Variants in PAX5 observed in about 807,000 individuals in gnomAD.
PAX5 encodes paired box 5.
In PAX5, 9 loss-of-function variants were observed where a neutral mutation model predicts 43.7. The ratio of observed to expected loss-of-function variants is 0.21; its 90% CI spans 0.12 to 0.36. The LOEUF (loss-of-function observed/expected upper bound fraction) is 0.36. Ranked by LOEUF, PAX5 falls within the 10% of genes least tolerant of loss-of-function variation. The pLI, the probability that PAX5 is intolerant of heterozygous loss-of-function variation, is 1.00. For missense variants in PAX5, 383 were observed against 532.7 expected (o/e 0.72, Z 2.77); for synonymous variants, 228 against 214.3 (o/e 1.06, Z -0.56).
intron 3 of PAX5, among the ~76,000 whole-genome samples, chr9:37,008,256 G>A (rs1838630948): frequency 6.6e-6 from 1 of 152,190 alleles, no homozygotes; most frequent in Admixed American, 6.5e-5. Context: ...GTTTCACCAC[G>A]TTAGCCAGGC....
chr9:36,958,320 G>A (rs1888016), intron 6 of PAX5, among the ~76,000 whole-genome samples: 137,193 of 151,846 alleles, frequency 0.9, 62,148 homozygotes, highest in Non-Finnish European at 0.95. Flanking sequence ...GGCTTCCATT[G>A]AGGAACTGGA....
At chr9:36,923,218 G>A in intron 7 of PAX5, 137 bp downstream of exon 7, 3 of 1,053,590 alleles carry the variant, frequency 2.8e-6, no homozygotes, top group South Asian at 3.2e-5. Context: ...CACCTGACCT[G>A]TTCCCAGGCC....
At position 36,837,487 on chromosome 9, in the gene PAX5, G is replaced by A; in HGVS notation, c.*3073C>T. The A allele has an allele frequency of 4.3e-6, 1 of 233,294 alleles. No homozygotes were observed. 14.5% of individuals were successfully genotyped at this position (233,294 alleles called of 1,614,324 possible). On this transcript the variant is annotated 3_prime_UTR_variant, in exon 10 of 10. Coordinates refer to ENST00000358127, the MANE Select transcript of PAX5 (RefSeq NM_016734.3). ...GAAGGCCCATGGAGAAATGCCCCAGGCCTTCTGCCACGATGCTGGTGAGGC... is the reference window on the plus strand; with the variant it reads ...GAAGGCCCATGGAGAAATGCCCCAGACCTTCTGCCACGATGCTGGTGAGGC...
chr9:36,923,566 C>T (rs987898720), intron 6 of PAX5, 82 bp from the exon 7 acceptor site: 7 of 1,509,380 alleles, frequency 4.6e-6, no homozygotes, highest in Non-Finnish European at 5.4e-6. Context: ...CTGAGCTCAG[C>T]CACCAAGCTG....
chr9:36,966,312 C>T (rs574777325), intron 6 of PAX5, among the ~76,000 whole-genome samples: 4 of 152,240 alleles, frequency 2.6e-5, no homozygotes, highest in African/African-American at 9.6e-5. Flanking sequence ...TCACCCACCC[C>T]CTGGCTGGCC....
At position 36,951,553 on chromosome 9, in the gene PAX5, G is replaced by T. The variant is rs111364120; in HGVS notation, c.780+14996C>A. Among the ~76,000 whole-genome samples the T allele has an allele frequency of 8.5e-5, 13 of 152,180 alleles. No homozygotes were observed. The South Asian group carries it at 2.1e-3, about 24-fold the overall frequency. On this transcript the variant is annotated intron_variant, in intron 6 of 9. Coordinates refer to ENST00000358127, the MANE Select transcript of PAX5 (RefSeq NM_016734.3). ...TACTCTATCACATTTTATTTGGTTA[G>T]TATTGCCATATTTTCCTCTCTCAGT...
At chr9:37,025,768 G>A (rs531386473) in intron 1 of PAX5, among the ~76,000 whole-genome samples, 1 of 152,314 alleles carries the variant, frequency 6.6e-6, no homozygotes, top group Non-Finnish European at 1.5e-5. Context: ...TCCTACACAC[G>A]CTGCGTCTTT....
intron 7 of PAX5, among the ~76,000 whole-genome samples, chr9:36,904,414 G>C (rs1294992628): frequency 6.6e-6 from 1 of 152,178 alleles, no homozygotes; most frequent in Non-Finnish European, 1.5e-5. Context: ...GGTCTGAAAA[G>C]GCAAACACTT....
At chr9:36,939,447 C>T (rs1831846642) in intron 6 of PAX5, among the ~76,000 whole-genome samples, 1 of 152,148 alleles carries the variant, frequency 6.6e-6, no homozygotes, top group African/African-American at 2.4e-5. Context: ...TTCTGAAACC[C>T]CACGTGCTCA....
chr9:36,989,082 T>A (rs1056424077), intron 5 of PAX5, among the ~76,000 whole-genome samples: 13 of 152,112 alleles, frequency 8.5e-5, no homozygotes, highest in Non-Finnish European at 7.3e-5. Flanking sequence ...AACTTGCAGG[T>A]GTGACAGGGA....
chr9:36,882,188 A>G lies in PAX5; in HGVS notation c.911-83T>C. 3.4e-6 allele frequency: 4 copies of G among 1,159,522 alleles called. No homozygotes were observed. The highest frequency in any genetic ancestry group is 4.9e-6 in the Non-Finnish European group (4 of 824,444). 71.8% of individuals were successfully genotyped at this position (1,159,522 alleles called of 1,614,324 possible). On this transcript the variant is annotated intron_variant, in intron 7 of 9. Coordinates refer to ENST00000358127, the MANE Select transcript of PAX5 (RefSeq NM_016734.3). The surrounding 1 kb of genome is among the most constrained non-coding windows in gnomAD (Gnocchi z 4.4). ...TCCACAGCTCCCTGGACGCTTCTGC[A>G]CATTTGTCACGTTTGGACGCTGAAC... is the stretch of plus-strand genomic sequence containing the variant.
At chr9:36,988,239 G>T (rs1343862536) in intron 5 of PAX5, among the ~76,000 whole-genome samples, 1 of 152,172 alleles carries the variant, frequency 6.6e-6, no homozygotes, top group African/African-American at 2.4e-5. Context: ...GCTGCCCTCA[G>T]CTACGACTTG....
At chr9:37,003,154 T>TAAAAAAA (rs67081521) in intron 4 of PAX5, among the ~76,000 whole-genome samples, 2 of 75,848 alleles carry the variant, frequency 2.6e-5, no homozygotes, top group East Asian at 9.0e-4. Flanking sequence ...AGTCAGTGCT[T>TAAAAAAA]AAAAAAAAAA....
Position 37,011,602 on chromosome 9 carries a change from G to A in PAX5, c.410+3395C>T, listed in dbSNP as rs188339597. 3.2e-4 allele frequency among the ~76,000 whole-genome samples: 48 copies of A among 152,316 alleles called. 1 individual carries two copies. The South Asian group carries it at 7.5e-3, about 24-fold the overall frequency. On this transcript the variant is annotated intron_variant, in intron 3 of 9. Transcript: ENST00000358127. ...TGCAGGTTGTGCAGCCTCCCAGCAC[G>A]TTTGTCCATAAGAAGTCAAATGAAC...
chr9:36,847,971 G>A (rs369063351), intron 8 of PAX5, among the ~76,000 whole-genome samples: 14 of 152,298 alleles, frequency 9.2e-5, no homozygotes, highest in African/African-American at 2.6e-4. Context: ...CCCAGTACCC[G>A]GCAGACTGTA....
chr9:37,003,006 A>C (rs1838046974), intron 4 of PAX5, among the ~76,000 whole-genome samples: 1 of 152,072 alleles, frequency 6.6e-6, no homozygotes, highest in Non-Finnish European at 1.5e-5. Flanking sequence ...AAGGGTGGGC[A>C]CTGAGAAGGA....
At position 36,837,190 on chromosome 9, in the gene PAX5, G is replaced by A. The variant is rs538440272; in HGVS notation, c.*3370C>T. The A allele has an allele frequency of 2.1e-5, 5 of 232,862 alleles. No individual in the cohort carries two copies. Among genetic ancestry groups the A allele is most frequent in the Admixed American group, 1.1e-4 (2 of 17,768 alleles). The allele number at this position is 232,862 out of a possible 1,614,324, so 14.4% of individuals were successfully genotyped here. A position where few individuals can be genotyped will look rare whatever the true frequency, so the allele number is the denominator to read the frequency against. On this transcript the variant is annotated 3_prime_UTR_variant, in exon 10 of 10. Transcript: ENST00000358127. ...GCCTGGAGATCTGAGAATTCACTTCGCCTCTATGTTGCCGTGAGAGCCCCA... is the reference window on the plus strand; with the variant it reads ...GCCTGGAGATCTGAGAATTCACTTCACCTCTATGTTGCCGTGAGAGCCCCA...
At position 37,015,329 on chromosome 9, in the gene PAX5, G is replaced by A. The variant is rs1839299163; in HGVS notation, c.213-135C>T. ...ATACAGTAGCCACCAGCCAGATGCG[G>A]CTTTTGAACATTTGAAATATGGCTA... On this transcript the variant is annotated intron_variant, in intron 2 of 9. Transcript: ENST00000358127. This position sits in a 1 kb window ranked among gnomAD's most constrained non-coding sequence, Gnocchi z 4.4. 2 of 688,858 alleles carry A rather than the reference G, an allele frequency of 2.9e-6. No homozygotes were observed. Among genetic ancestry groups the A allele is most frequent in the Admixed American group, 5.2e-5 (2 of 38,160 alleles). The allele number at this position is 688,858 out of a possible 1,614,324, so 42.7% of individuals were successfully genotyped here. A position where few individuals can be genotyped will look rare whatever the true frequency, so the allele number is the denominator to read the frequency against.
chr9:36,860,437 A>G (rs531849028), intron 8 of PAX5, among the ~76,000 whole-genome samples: 10 of 152,286 alleles, frequency 6.6e-5, no homozygotes, highest in Admixed American at 2.6e-4. Flanking sequence ...GGGGAGGCAG[A>G]TGGTAATATT....
Sources: gnomAD v4.1 joint callset for allele counts (sites outside exome capture counted in the v4.1 genomes callset) on GRCh38, gnomAD v4.1.1 for gene constraint, Gnocchi (gnomAD v3.1) non-coding constraint, MANE v1.5 for transcripts, NCBI Gene and HGNC (gene_info 2026-07-23, HGNC 2026-07-21) for gene names.